GPC6: variants seen among roughly 807,000 people sequenced by gnomAD.
GPC6 encodes glypican 6, also known as glypican-6.
In GPC6, 14 loss-of-function variants were observed where a neutral mutation model predicts 55.2. That is an observed-to-expected ratio of 0.25 (90% CI 0.17 to 0.40). The LOEUF is 0.40. Among genes scored for constraint, GPC6 ranks in the 10% least tolerant of loss-of-function variants. GPC6 has a pLI of 1.00. For synonymous variants in GPC6, 278 were observed against 259.6 expected, an observed-to-expected ratio of 1.07 and a Z score of -0.68; for missense variants, 641 against 708.5, an observed-to-expected ratio of 0.90 and a Z score of 1.08.
chr13:93,446,213 T>G (rs1877990636), intron 1 of GPC6, among the ~76,000 whole-genome samples: 2 of 152,160 alleles, frequency 1.3e-5, no homozygotes, highest in Non-Finnish European at 2.9e-5. Flanking sequence ...TAGTTTGGAA[T>G]GCATTCCATC....
At chr13:93,794,450 G>T (rs1247753405) in intron 2 of GPC6, among the ~76,000 whole-genome samples, 3 of 152,180 alleles carry the variant, frequency 2.0e-5, no homozygotes, top group African/African-American at 7.2e-5. Context: ...CCTGAACAGT[G>T]CCTCACTCTC....
At position 94,283,742 on chromosome 13, in the gene GPC6, C is replaced by A. The variant is rs142419776; in HGVS notation, c.878-2607C>A. Among the ~76,000 whole-genome samples the A allele has an allele frequency of 5.3e-5, 8 of 152,306 alleles. No homozygotes were observed. The East Asian group carries it at 1.4e-3, about 26-fold the overall frequency. ...AAACGAGCAACACAGGAGAGGTAAG[C>A]AGAAAGGATCTGCTGATCATTAGCT... is the stretch of plus-strand genomic sequence containing the variant. On this transcript the variant is annotated intron_variant, in intron 4 of 8. Transcript: ENST00000377047.
At chr13:93,265,151 G>C (rs888872849) in intron 1 of GPC6, among the ~76,000 whole-genome samples, 23 of 152,092 alleles carry the variant, frequency 1.5e-4, no homozygotes, top group Admixed American at 1.4e-3. Context: ...GGACCTGAGA[G>C]GAAATTATAG....
At chr13:94,395,274 G>C (rs1323625) in intron 7 of GPC6, among the ~76,000 whole-genome samples, 1 of 151,998 alleles carries the variant, frequency 6.6e-6, no homozygotes, top group Non-Finnish European at 1.5e-5. Flanking sequence ...ATGAGATATA[G>C]TAAAAGGCAG....
chr13:93,814,785 T>A lies in GPC6; in HGVS notation c.320-15369T>A, dbSNP rs575821133. Among the ~76,000 whole-genome samples, 10 of 152,346 alleles carry A rather than the reference T, an allele frequency of 6.6e-5. No individual in the cohort carries two copies. The South Asian group carries it at 1.9e-3, about 28-fold the overall frequency. On this transcript the variant is annotated intron_variant, in intron 2 of 8. Coordinates refer to ENST00000377047, the MANE Select transcript of GPC6 (RefSeq NM_005708.5). ...CTAATCTTGTGAAAGGTTAGTATTC[T>A]ATCCATCAGAGCAAGATTAGAGTGC...
intron 3 of GPC6, among the ~76,000 whole-genome samples, chr13:93,877,162 C>G (rs1226150638): frequency 6.6e-6 from 1 of 151,992 alleles, no homozygotes; most frequent in African/African-American, 2.4e-5. Flanking sequence ...GTTATTAGCA[C>G]TAAAATTTAA....
At chr13:93,586,869 G>GA (rs545780529) in intron 2 of GPC6, among the ~76,000 whole-genome samples, 77 of 152,250 alleles carry the variant, frequency 5.1e-4, no homozygotes, top group African/African-American at 1.8e-3. Flanking sequence ...GGTTATTGGG[G>GA]ATTCTGTGAA....
intron 3 of GPC6, among the ~76,000 whole-genome samples, chr13:93,930,411 A>G (rs1308358698): frequency 6.6e-6 from 1 of 151,588 alleles, no homozygotes; most frequent in Non-Finnish European, 1.5e-5. Context: ...AGCTGGGACT[A>G]CAGGCACCCG....
chr13:94,236,058 G>T (rs895907646), intron 4 of GPC6, among the ~76,000 whole-genome samples: 1 of 152,092 alleles, frequency 6.6e-6, no homozygotes, highest in African/African-American at 2.4e-5. Flanking sequence ...TAAACTATTA[G>T]TTTGGCCTGA....
chr13:94,378,290 C>G (rs1879993448), intron 6 of GPC6, among the ~76,000 whole-genome samples: 1 of 152,068 alleles, frequency 6.6e-6, no homozygotes, highest in Non-Finnish European at 1.5e-5. Context: ...GCCAGTATTT[C>G]CTGTAAACTG....
At chr13:93,540,293 AG>A (rs2139425645) in intron 1 of GPC6, among the ~76,000 whole-genome samples, 1 of 152,288 alleles carries the variant, frequency 6.6e-6, no homozygotes, top group Non-Finnish European at 1.5e-5. Context: ...TTTATCATAC[AG>A]AAAAAGTAAA....
intron 1 of GPC6, chr13:93,450,724 T>C: frequency 4.1e-6 from 4 of 974,974 alleles, no homozygotes; most frequent in South Asian, 4.7e-5. Flanking sequence ...TTAGTGGCTG[T>C]ATTTCATAAA....
intron 2 of GPC6, among the ~76,000 whole-genome samples, chr13:93,623,455 C>CTTTTTTTTTTT (rs567830011): frequency 1.4e-4 from 16 of 116,198 alleles, no homozygotes; most frequent in African/African-American, 3.1e-4. Context: ...CTTTTCTTTT[C>CTTTTTTTTTTT]TTTTTTTTTT....
rs1289235333 is a variant in GPC6, at chr13:93,833,112, A to T, written c.711+2567A>T. 1.9e-3 allele frequency among the ~76,000 whole-genome samples: 59 copies of T among 31,272 alleles called. No individual in the cohort carries two copies. The African/African-American group carries it at 0.029, about 15-fold the overall frequency. 20.5% of individuals were successfully genotyped at this position (31,272 alleles called of 152,430 possible). On this transcript the variant is annotated intron_variant, in intron 3 of 8. Coordinates refer to ENST00000377047, the MANE Select transcript of GPC6 (RefSeq NM_005708.5). ...ATGGGTAGATAGGTAGATGATAGAG[A>T]GAGAGAGAGAGAGAGAGAGAGAGAG...
At chr13:93,544,855 T>A (rs968882061) in intron 1 of GPC6, among the ~76,000 whole-genome samples, 23 of 152,188 alleles carry the variant, frequency 1.5e-4, no homozygotes, top group African/African-American at 4.6e-4. Flanking sequence ...ACAGTTATCA[T>A]CTTTTCTTGC....
intron 3 of GPC6, among the ~76,000 whole-genome samples, chr13:93,854,046 A>G (rs897700238): frequency 2.6e-5 from 4 of 151,310 alleles, no homozygotes; most frequent in African/African-American, 9.7e-5. Flanking sequence ...GATTACAACC[A>G]CAAAACAAAG....
chr13:94,373,408 G>A (rs562467910), intron 6 of GPC6, among the ~76,000 whole-genome samples: 178 of 152,206 alleles, frequency 1.2e-3, no homozygotes, highest in Non-Finnish European at 1.8e-3. Flanking sequence ...CGAGAACTAC[G>A]TGAAAAATGC....
intron 3 of GPC6, among the ~76,000 whole-genome samples, chr13:93,862,847 T>C (rs943761173): frequency 8.6e-5 from 13 of 151,654 alleles, no homozygotes; most frequent in African/African-American, 3.1e-4. Flanking sequence ...GTGCCATTTG[T>C]TTTATCATTT....
chr13:94,014,098 T>A (rs993659056), intron 3 of GPC6, among the ~76,000 whole-genome samples: 2 of 152,316 alleles, frequency 1.3e-5, no homozygotes, highest in East Asian at 1.9e-4. Context: ...TTGTTTCCTG[T>A]CTTATCCTTG....
Sources: gnomAD v4.1 joint callset for allele counts (sites outside exome capture counted in the v4.1 genomes callset) on GRCh38, gnomAD v4.1.1 for gene constraint, MANE v1.5 for transcripts, NCBI Gene and HGNC (gene_info 2026-07-23, HGNC 2026-07-21) for gene names.